Variants in CEP128 observed in about 807,000 individuals in gnomAD.
CEP128 encodes centrosomal protein 128kDa.
Under a neutral mutation model 156.7 loss-of-function variants are expected in CEP128, and 132 were observed. The ratio of observed to expected loss-of-function variants is 0.84; its 90% CI spans 0.73 to 0.97. CEP128 has a LOEUF of 0.97. Ranked by LOEUF, CEP128 falls within the 50% of genes least tolerant of loss-of-function variation. CEP128 has a pLI of 0.00. For missense variants in CEP128, 1,252 were observed against 1,281.9 expected, an observed-to-expected ratio of 0.98 and a Z score of 0.36; for synonymous variants, 469 against 448.9, an observed-to-expected ratio of 1.04 and a Z score of -0.57.
At chr14:80,818,973 T>C (rs1271280657) in intron 13 of CEP128, among the ~76,000 whole-genome samples, 2 of 152,208 alleles carry the variant, frequency 1.3e-5, no homozygotes, top group Non-Finnish European at 2.9e-5. Context: ...TCTTAAGATT[T>C]AGAGTTCCCA....
At chr14:80,762,644 A>G (rs1900027950) in intron 16 of CEP128, among the ~76,000 whole-genome samples, 1 of 152,208 alleles carries the variant, frequency 6.6e-6, no homozygotes, top group Non-Finnish European at 1.5e-5. Flanking sequence ...CCCTTTCATA[A>G]TCTATCTTCT....
At chr14:80,636,277 G>A (rs1417261996) in intron 19 of CEP128, among the ~76,000 whole-genome samples, 1 of 152,136 alleles carries the variant, frequency 6.6e-6, no homozygotes, top group Non-Finnish European at 1.5e-5. Context: ...ATAAATAAGT[G>A]AGACTACTGC....
chr14:80,894,735 T>C (rs1443903476), intron 8 of CEP128: 1 of 330,142 alleles, frequency 3.0e-6, no homozygotes, highest in Non-Finnish European at 5.9e-6. Context: ...TTTATTCATA[T>C]TTTTAAAATA....
chr14:80,661,517 CA>C (rs1437393393), intron 19 of CEP128, among the ~76,000 whole-genome samples: 1 of 152,006 alleles, frequency 6.6e-6, no homozygotes, highest in Non-Finnish European at 1.5e-5. Flanking sequence ...ATAAAAACAA[CA>C]AAAATAGTGG....
chr14:80,784,804 CAGAATGAT>C, intron 15 of CEP128, 83 bp downstream of exon 15: 1 of 1,095,104 alleles, frequency 9.1e-7, no homozygotes, highest in Non-Finnish European at 1.3e-6. Context: ...CTTGGGAATA[CAGAATGAT>C]CTCTAAAAGT....
At chr14:80,792,060 G>T (rs1024998620) in intron 14 of CEP128, among the ~76,000 whole-genome samples, 6 of 152,146 alleles carry the variant, frequency 3.9e-5, no homozygotes, top group African/African-American at 1.2e-4. Flanking sequence ...AAACATCTGG[G>T]TTTAATTCAA....
At chr14:80,862,983 T>C (rs980530903) in intron 8 of CEP128, 110 bp from the exon 9 acceptor site, 3 of 648,718 alleles carry the variant, frequency 4.6e-6, no homozygotes, top group Non-Finnish European at 7.6e-6. Flanking sequence ...GCATTTAAGA[T>C]TGTTTTGTTT....
chr14:80,776,094 A>G (rs1373232897), intron 16 of CEP128, among the ~76,000 whole-genome samples: 1 of 152,192 alleles, frequency 6.6e-6, no homozygotes, highest in Non-Finnish European at 1.5e-5. Context: ...TCAGCCTCTC[A>G]AAGTGCTGGG....
Position 80,904,920 on chromosome 14 carries a change from A to G in CEP128, c.373T>C (p.Phe125Leu). 2.5e-6 allele frequency: 4 copies of G among 1,577,490 alleles called. No homozygotes were observed. Among genetic ancestry groups the G allele is most frequent in the Non-Finnish European group, 3.5e-6 (4 of 1,146,720 alleles). Residue 125 changes from phenylalanine to leucine, a missense_variant, in exon 6 of 25, where the codon TTT becomes CTT. By Grantham distance (22) the Phe-to-Leu change is conservative. Transcript: ENST00000555265. Reference sequence around the variant, plus strand: ...TCCTTGAGAGGTGAGGTAGGTGGAAAATGATGGAGCTCTTCACAAGTGAAA... The same window carrying G: ...TCCTTGAGAGGTGAGGTAGGTGGAAGATGATGGAGCTCTTCACAAGTGAAA... ...DGGTGSELHH[F>L]PPTSPLKDYG...
At chr14:80,538,949 G>A (rs978766584) in intron 21 of CEP128, among the ~76,000 whole-genome samples, 2 of 152,130 alleles carry the variant, frequency 1.3e-5, no homozygotes, top group African/African-American at 4.8e-5. Context: ...TTAGCAGTGG[G>A]CAATAAGCAT....
intron 9 of CEP128, among the ~76,000 whole-genome samples, chr14:80,856,990 C>A (rs1313092043): frequency 1.3e-5 from 2 of 151,462 alleles, no homozygotes. Flanking sequence ...TCGAGTGACC[C>A]GCCCACCTCA....
In CEP128 at chr14:80,955,783, G is replaced by A. The variant is rs1192804611; in HGVS notation, c.-172+2395C>T. On this transcript the variant is annotated intron_variant, in intron 2 of 7. Coordinates refer to the CEP128 transcript ENST00000555529. ...TCCACCCTGCGAGTGCCATCAGGAG[G>A]AGGACTTCAGAGTCACCTGCAAGGA... is the stretch of plus-strand genomic sequence containing the variant. 1.9e-6 allele frequency: 3 copies of A among 1,614,100 alleles called. No individual in the cohort carries two copies. In the African/African-American group the frequency reaches 4.0e-5, roughly 22 times the overall value.
chr14:80,849,114 A>C (rs1451400049), intron 9 of CEP128, among the ~76,000 whole-genome samples: 1 of 152,198 alleles, frequency 6.6e-6, no homozygotes, highest in Non-Finnish European at 1.5e-5. Context: ...AGCTGACAAA[A>C]TTTAATGATA....
chr14:80,513,897 A>G (rs922714299), intron 23 of CEP128, among the ~76,000 whole-genome samples: 6 of 152,180 alleles, frequency 3.9e-5, no homozygotes, highest in African/African-American at 1.2e-4. Context: ...CTCTACTAAC[A>G]TAGCTAGATC....
Position 80,643,709 on chromosome 14 carries a change from C to CAAAA in CEP128, c.2807-63290_2807-63287dup, listed in dbSNP as rs33912853. 1.0e-4 allele frequency among the ~76,000 whole-genome samples: 15 copies of CAAAA among 145,634 alleles called. No individual in the cohort carries two copies. The East Asian group carries it at 1.4e-3, about 14-fold the overall frequency. ...TGGGCATCAGAGCAAGACTCCATCTCAAAAAAATCGTGGTGGTACATGGAA... is the reference window on the plus strand; with the variant it reads ...TGGGCATCAGAGCAAGACTCCATCTCAAAAAAAAAAATCGTGGTGGTACATGGAA... On this transcript the variant is annotated intron_variant, in intron 19 of 24. Coordinates refer to ENST00000555265, the MANE Select transcript of CEP128 (RefSeq NM_152446.5).
chr14:80,637,097 A>G (rs1000999746), intron 19 of CEP128, among the ~76,000 whole-genome samples: 10 of 148,950 alleles, frequency 6.7e-5, no homozygotes, highest in Admixed American at 5.3e-4. Context: ...TAAAAAAAAA[A>G]AAAAGAAAAG....
intron 21 of CEP128, among the ~76,000 whole-genome samples, chr14:80,548,349 G>A (rs775785963): frequency 3.7e-4 from 56 of 152,160 alleles, no homozygotes; most frequent in Non-Finnish European, 6.0e-4. Flanking sequence ...AAAACTAGAT[G>A]CACAAAATGA....
intron 19 of CEP128, among the ~76,000 whole-genome samples, chr14:80,580,962 T>C (rs1340141754): frequency 1.3e-5 from 2 of 152,118 alleles, no homozygotes; most frequent in African/African-American, 2.4e-5. Context: ...TTATTAATTA[T>C]CATTTCACAC....
chr14:80,561,658 C>A (rs1031708340), intron 20 of CEP128, among the ~76,000 whole-genome samples: 2 of 152,082 alleles, frequency 1.3e-5, no homozygotes, highest in Admixed American at 6.6e-5. Context: ...ATTTTAAAAG[C>A]ATACCTAGAA....
Sources: gnomAD v4.1 joint callset for allele counts (sites outside exome capture counted in the v4.1 genomes callset) on GRCh38, gnomAD v4.1.1 for gene constraint, MANE v1.5 for transcripts, NCBI Gene and HGNC (gene_info 2026-07-23, HGNC 2026-07-21) for gene names.